ANO2: variants seen among roughly 807,000 people sequenced by gnomAD.
The protein encoded by ANO2 is anoctamin 2, also known as anoctamin-2.
A neutral mutation model predicts 124.2 loss-of-function variants in ANO2; 101 were observed. That is an observed-to-expected ratio of 0.81 (90% CI 0.69 to 0.96). The LOEUF is 0.96. Ranked by LOEUF, ANO2 falls within the 40% of genes least tolerant of loss-of-function variation. ANO2 has a pLI of 0.00. For synonymous variants in ANO2, 486 were observed against 482.5 expected (o/e 1.01, Z -0.09); for missense variants, 1,293 against 1,274.5 (o/e 1.01, Z -0.22).
At chr12:5,613,564 C>T (rs773608652) in intron 17 of ANO2, among the ~76,000 whole-genome samples, 68 of 152,274 alleles carry the variant, frequency 4.5e-4, no homozygotes, top group Admixed American at 3.7e-3. Context: ...CACCATGGAA[C>T]CAGACAGACA....
chr12:5,806,815 T>C (rs1953210442), intron 8 of ANO2, among the ~76,000 whole-genome samples: 1 of 152,216 alleles, frequency 6.6e-6, no homozygotes, highest in African/African-American at 2.4e-5. Flanking sequence ...AAAATAATGA[T>C]CTTTCGTTAA....
At chr12:5,620,291 G>A (rs1377293843) in intron 16 of ANO2, among the ~76,000 whole-genome samples, 7 of 152,330 alleles carry the variant, frequency 4.6e-5, no homozygotes, top group Admixed American at 2.0e-4. Context: ...AACAGCATCT[G>A]TCATAGTCCA....
intron 3 of ANO2, among the ~76,000 whole-genome samples, chr12:5,873,744 A>T (rs542527379): frequency 6.6e-6 from 1 of 152,312 alleles, no homozygotes; most frequent in Admixed American, 6.5e-5. Flanking sequence ...TGCTTGGGAG[A>T]CATTCAGCAT....
chr12:5,575,327 ATTTT>A (rs1942335350), intron 23 of ANO2, among the ~76,000 whole-genome samples: 1 of 152,202 alleles, frequency 6.6e-6, no homozygotes, highest in Non-Finnish European at 1.5e-5. Flanking sequence ...GTCCATAAAT[ATTTT>A]TTGAGTCATC....
At chr12:5,644,677 T>G (rs938876987) in intron 15 of ANO2, among the ~76,000 whole-genome samples, 4 of 152,234 alleles carry the variant, frequency 2.6e-5, no homozygotes, top group Non-Finnish European at 5.9e-5. Context: ...TTCATTCCTT[T>G]CTAAAACCAT....
intron 14 of ANO2, among the ~76,000 whole-genome samples, chr12:5,723,295 C>T (rs1352772988): frequency 6.6e-6 from 1 of 152,226 alleles, no homozygotes; most frequent in Non-Finnish European, 1.5e-5. Context: ...TGGTTTGGAG[C>T]TGCTGCTTGG....
intron 19 of ANO2, among the ~76,000 whole-genome samples, chr12:5,603,944 C>A (rs374721499): frequency 5.5e-3 from 410 of 73,968 alleles, no homozygotes; most frequent in Middle Eastern, 0.012. Flanking sequence ...GATTCCGTCT[C>A]AAAAAAAAAA....
At chr12:5,693,490 G>A (rs1949030077) in intron 14 of ANO2, among the ~76,000 whole-genome samples, 1 of 152,040 alleles carries the variant, frequency 6.6e-6, no homozygotes. Flanking sequence ...TGCCTCCACT[G>A]GCTCCCCACT....
At chr12:5,854,453 A>G (rs929455360) in intron 3 of ANO2, among the ~76,000 whole-genome samples, 11 of 151,882 alleles carry the variant, frequency 7.2e-5, no homozygotes, top group African/African-American at 2.7e-4. Flanking sequence ...CAGATTTGAA[A>G]TATAAGCAAT....
chr12:5,642,100 A>G (rs1264425409), intron 15 of ANO2, among the ~76,000 whole-genome samples: 1 of 152,104 alleles, frequency 6.6e-6, no homozygotes, highest in Non-Finnish European at 1.5e-5. Context: ...ATCTAATACA[A>G]TTGATTGTCC....
chr12:5,778,573 G>C (rs563691606), intron 10 of ANO2, among the ~76,000 whole-genome samples: 130 of 152,274 alleles, frequency 8.5e-4, no homozygotes, highest in Non-Finnish European at 1.6e-3. Context: ...AATTCCAATA[G>C]ATGGCATAGC....
chr12:5,758,419 A>G (rs937133072), intron 10 of ANO2, among the ~76,000 whole-genome samples: 2 of 152,134 alleles, frequency 1.3e-5, no homozygotes, highest in African/African-American at 4.8e-5. Context: ...AAACTGCCCT[A>G]TTTCCCTCCA....
chr12:5,607,074 A>C (rs987785991), intron 19 of ANO2, among the ~76,000 whole-genome samples: 1 of 152,164 alleles, frequency 6.6e-6, no homozygotes, highest in Non-Finnish European at 1.5e-5. Context: ...AAAAAAAAAA[A>C]AAACAAATCT....
At chr12:5,610,221 ATATACTTATATAAATATATAAATG>A in intron 19 of ANO2, among the ~76,000 whole-genome samples, 1 of 127,814 alleles carries the variant, frequency 7.8e-6, no homozygotes, top group Non-Finnish European at 1.6e-5. Flanking sequence ...TTATATAAAT[ATATACTTATATAAATATATAAATG>A]CATATATTTA....
At chr12:5,771,512 G>A in intron 10 of ANO2, among the ~76,000 whole-genome samples, 1 of 112,650 alleles carries the variant, frequency 8.9e-6, no homozygotes, top group East Asian at 2.5e-4. Context: ...GGGCGCCGTG[G>A]CTTATGCCTG....
intron 14 of ANO2, among the ~76,000 whole-genome samples, chr12:5,725,423 T>C (rs1346562879): frequency 3.3e-5 from 5 of 152,188 alleles, no homozygotes; most frequent in Admixed American, 3.3e-4. Flanking sequence ...TACATAGACT[T>C]ATTGCCTGGA....
chr12:5,762,264 C>G (rs1052397188), intron 10 of ANO2, among the ~76,000 whole-genome samples: 5 of 151,904 alleles, frequency 3.3e-5, no homozygotes, highest in Admixed American at 2.0e-4. Context: ...CTACTTTTGG[C>G]TTCTTATTAC....
chr12:5,716,441 T>G (rs1182506537), intron 14 of ANO2, among the ~76,000 whole-genome samples: 2 of 152,150 alleles, frequency 1.3e-5, no homozygotes, highest in Non-Finnish European at 2.9e-5. Context: ...GTTGGTCACT[T>G]CCCTTAAAAT....
At chr12:5,928,249 T>A (rs1228654951) in intron 1 of ANO2, among the ~76,000 whole-genome samples, 1 of 152,116 alleles carries the variant, frequency 6.6e-6, no homozygotes, top group Non-Finnish European at 1.5e-5. Context: ...TAACTCCTGG[T>A]GGCTGAAGTA....
Sources: gnomAD v4.1 joint callset for allele counts (sites outside exome capture counted in the v4.1 genomes callset) on GRCh38, gnomAD v4.1.1 for gene constraint, MANE v1.5 for transcripts, NCBI Gene and HGNC (gene_info 2026-07-23, HGNC 2026-07-21) for gene names.